The following SEC24B variants were observed in gnomAD, a reference collection of about 807,000 sequenced individuals.
SEC24B encodes SEC24 homolog B, COPII component.
A neutral mutation model predicts 142.8 loss-of-function variants in SEC24B; 45 were observed. That is an observed-to-expected ratio of 0.32 (90% CI 0.25 to 0.40). The LOEUF is 0.40. Among genes scored for constraint, SEC24B ranks in the 10% least tolerant of loss-of-function variants. SEC24B has a pLI of 1.00. For synonymous variants in SEC24B, 574 were observed against 568.2 expected (o/e 1.01, Z -0.15); for missense variants, 1,409 against 1,526.8 (o/e 0.92, Z 1.29).
chr4:109,487,947 C>T (rs1359431001), intron 4 of SEC24B, among the ~76,000 whole-genome samples: 1 of 151,982 alleles, frequency 6.6e-6, no homozygotes, highest in Non-Finnish European at 1.5e-5. Context: ...ATGAAAGAAA[C>T]TAAACATCTT....
At chr4:109,434,058 A>G in intron 1 of SEC24B, 56 bp downstream of exon 1, 5 of 1,025,082 alleles carry the variant, frequency 4.9e-6, no homozygotes, top group Non-Finnish European at 5.8e-6. Flanking sequence ...GGCGGCCTGC[A>G]CGGCCACATC....
At chr4:109,487,343 T>C (rs1041416346) in intron 4 of SEC24B, among the ~76,000 whole-genome samples, 1 of 152,100 alleles carries the variant, frequency 6.6e-6, no homozygotes, top group African/African-American at 2.4e-5. Flanking sequence ...ACAGACATAA[T>C]GCATAAACAG....
intron 7 of SEC24B, among the ~76,000 whole-genome samples, chr4:109,508,535 C>T (rs1176435706): frequency 6.6e-6 from 1 of 151,976 alleles, no homozygotes; most frequent in Non-Finnish European, 1.5e-5. Context: ...ACACTGTACT[C>T]CAGCCTGGGT....
At position 109,477,683 on chromosome 4, in the gene SEC24B, T is replaced by A. The variant is rs190106851; in HGVS notation, c.1061-3994T>A. On this transcript the variant is annotated intron_variant, in intron 3 of 23. Transcript: ENST00000265175. The stretch of plus-strand genomic sequence containing the variant: ...CAAGCTATGATACAGGCCATTTATT[T>A]TATGGATGATATCTCCATATGACCT... Among the ~76,000 whole-genome samples, 476 of 152,240 alleles carry A rather than the reference T, an allele frequency of 3.1e-3. 4 individuals are homozygous for A. Among genetic ancestry groups the A allele is most frequent in the African/African-American group, 0.01 (428 of 41,528 alleles).
At chr4:109,536,831 A>ATT (rs887811406) in intron 22 of SEC24B, among the ~76,000 whole-genome samples, 2 of 145,544 alleles carry the variant, frequency 1.4e-5, no homozygotes, top group East Asian at 2.0e-4. Context: ...GCCTGGCCAA[A>ATT]TTTTTTTTTT....
At chr4:109,482,979 T>TACATACAC (rs1554001100) in intron 4 of SEC24B, among the ~76,000 whole-genome samples, 1 of 26,406 alleles carries the variant, frequency 3.8e-5, no homozygotes, top group Non-Finnish European at 7.5e-5. Context: ...TATATATATA[T>TACATACAC]ACACACACAC....
intron 14 of SEC24B, among the ~76,000 whole-genome samples, chr4:109,522,852 A>C (rs757907197): frequency 7.2e-5 from 11 of 152,180 alleles, no homozygotes; most frequent in Non-Finnish European, 1.5e-4. Context: ...GAAAGTAATC[A>C]ATTGATTGCT....
rs919910403 is a variant in SEC24B at position 109,540,747 on chromosome 4, C to G, written c.*1072C>G. 1 of 151,954 alleles carries G rather than the reference C, an allele frequency of 6.6e-6. No homozygotes were observed. The highest frequency in any genetic ancestry group is 2.4e-5 in the African/African-American group (1 of 41,386). The allele number at this position is 151,954 out of a possible 1,614,324, so 9.4% of individuals were successfully genotyped here. ...AAAATACCAAAATTAGCCAGGGGTG[C>G]TGGCGGGCACCTGTAATCCCAGCTA... On this transcript the variant is annotated 3_prime_UTR_variant, in exon 24 of 24. Coordinates refer to ENST00000265175, the MANE Select transcript of SEC24B (RefSeq NM_006323.5).
intron 9 of SEC24B, among the ~76,000 whole-genome samples, chr4:109,513,121 T>G (rs543659097): frequency 7.0e-6 from 1 of 143,588 alleles, no homozygotes; most frequent in East Asian, 2.1e-4. Context: ...ACTACAGGTG[T>G]CTGCCACCAT....
intron 1 of SEC24B, among the ~76,000 whole-genome samples, chr4:109,458,311 ATT>A (rs1378516544): frequency 6.6e-6 from 1 of 151,956 alleles, no homozygotes; most frequent in Non-Finnish European, 1.5e-5. Context: ...TTTGGAATAT[ATT>A]TTCTTTTCAT....
chr4:109,539,882 GT>G lies in SEC24B; in HGVS notation c.*210del, dbSNP rs1263059516. The stretch of plus-strand genomic sequence containing the variant: ...TCAAATTAATGGTAACGATGATGCT[GT>G]TTCACCAAGTATATTTTGAATTGGT... On this transcript the variant is annotated 3_prime_UTR_variant, in exon 24 of 24. Coordinates refer to ENST00000265175, the MANE Select transcript of SEC24B (RefSeq NM_006323.5). 1 of 534,316 alleles carries G rather than the reference GT, an allele frequency of 1.9e-6. No homozygotes were observed. Among genetic ancestry groups the G allele is most frequent in the East Asian group, 3.2e-5 (1 of 31,024 alleles). 33.1% of individuals were successfully genotyped at this position (534,316 alleles called of 1,614,324 possible).
intron 7 of SEC24B, among the ~76,000 whole-genome samples, chr4:109,508,108 G>A (rs1008742428): frequency 1.3e-5 from 2 of 152,118 alleles, no homozygotes; most frequent in African/African-American, 2.4e-5. Flanking sequence ...CACCATCAGT[G>A]CCTCAGGTAC....
chr4:109,510,060 T>A lies in SEC24B; in HGVS notation c.1725T>A (p.Asn575Lys). The A allele has an allele frequency of 1.2e-6, 2 of 1,610,690 alleles. No individual in the cohort carries two copies. Among genetic ancestry groups the A allele is most frequent in the Non-Finnish European group, 1.7e-6 (2 of 1,178,828 alleles). The change falls in exon 8 of 24, where the codon AAT becomes AAA. Residue 575 changes from asparagine (N) to lysine (K), a missense_variant. Transcript: ENST00000265175. ...TNIPQTQALLNKAKLPLGLLL... is the reference protein window; with the variant it reads ...TNIPQTQALLKKAKLPLGLLL... Reference sequence around the variant, plus strand: ...TTCCACAGACACAGGCTTTACTGAATAAAGCTAAGCTTCCTTTAGGATTGT... The same window carrying A: ...TTCCACAGACACAGGCTTTACTGAAAAAAGCTAAGCTTCCTTTAGGATTGT...
In SEC24B at chr4:109,463,524, A is replaced by G. The variant is rs1731529969; in HGVS notation, c.757A>G (p.Ser253Gly). ...LPSQQHHQQQSLSGYSTLTWS... is the reference protein window; with the variant it reads ...LPSQQHHQQQGLSGYSTLTWS... ...ATCACAACAGCACCACCAGCAGCAA[A>G]GTCTTTCAGGATACAGTACTCTAAC... Residue 253 changes from serine (S) to glycine (G), a missense_variant, in exon 2 of 24, where the codon AGT becomes GGT. Physicochemically the swap from Ser to Gly is moderately conservative, Grantham distance 56. This residue lies in a region of SEC24B where 709 missense variants were observed against 673.5 expected (regional missense o/e 1.05). Coordinates refer to ENST00000265175, the MANE Select transcript of SEC24B (RefSeq NM_006323.5). 1 of 1,614,112 alleles carries G rather than the reference A, an allele frequency of 6.2e-7. No homozygotes were observed. Among genetic ancestry groups the G allele is most frequent in the Non-Finnish European group, 8.5e-7 (1 of 1,180,024 alleles).
At position 109,474,436 on chromosome 4, in the gene SEC24B, T is replaced by G. The variant is rs570765150; in HGVS notation, c.1060+1250T>G. 4.6e-5 allele frequency among the ~76,000 whole-genome samples: 7 copies of G among 151,874 alleles called. No individual in the cohort carries two copies. The South Asian group carries it at 6.3e-4, about 14-fold the overall frequency. ...ATTTCTTCCTATTGTTTTTTTTTTT[T>G]TTTTGGAGTTGGGAGTCTTGCTCTG... On this transcript the variant is annotated intron_variant, in intron 3 of 23. Transcript: ENST00000265175.
chr4:109,501,097 C>T (rs1024522933), intron 6 of SEC24B, among the ~76,000 whole-genome samples: 2 of 152,318 alleles, frequency 1.3e-5, no homozygotes, highest in South Asian at 4.1e-4. Context: ...GTCCTGTAAG[C>T]TCCATTCATA....
chr4:109,493,043 T>C (rs1439447337), intron 5 of SEC24B, among the ~76,000 whole-genome samples: 1 of 152,174 alleles, frequency 6.6e-6, no homozygotes, highest in Non-Finnish European at 1.5e-5. Context: ...TTATTTCTTA[T>C]GCTGATAACT....
At chr4:109,482,956 A>C (rs1488376659) in intron 4 of SEC24B, among the ~76,000 whole-genome samples, 1 of 60,846 alleles carries the variant, frequency 1.6e-5, no homozygotes, top group Non-Finnish European at 2.8e-5. Context: ...ATATATATAT[A>C]TATATATATA....
At chr4:109,506,939 C>A (rs1200468849) in intron 7 of SEC24B, among the ~76,000 whole-genome samples, 3 of 152,130 alleles carry the variant, frequency 2.0e-5, no homozygotes, top group Admixed American at 2.0e-4. Flanking sequence ...AATGGTTTAT[C>A]TCAGAATTTT....
Sources: gnomAD v4.1 joint callset for allele counts (sites outside exome capture counted in the v4.1 genomes callset) on GRCh38, gnomAD v4.1.1 for gene constraint, gnomAD v4.1.1 regional missense constraint, MANE v1.5 for transcripts, NCBI Gene and HGNC (gene_info 2026-07-23, HGNC 2026-07-21) for gene names.